SZT2: variants seen among roughly 807,000 people sequenced by gnomAD.
The protein encoded by SZT2 is SZT2 subunit of KICSTOR complex.
Under a neutral mutation model 404.2 loss-of-function variants are expected in SZT2, and 216 were observed. The ratio of observed to expected loss-of-function variants is 0.53; its 90% CI spans 0.48 to 0.60. The LOEUF is 0.60. SZT2 is among the 20% of genes least tolerant of loss of function. The pLI is 0.00. For missense variants in SZT2, 3,857 were observed against 4,459.2 expected (o/e 0.86, Z 3.85); for synonymous variants, 1,693 against 1,749.9 (o/e 0.97, Z 0.81).
Position 43,422,148 on chromosome 1 carries a change from A to G in SZT2, c.1692A>G (p.Pro564=), listed in dbSNP as rs750447243. ...SHAQFAAYWK[P]VLSMDANSWQ... is the part of the protein sequence containing the mutation. ...CCCAGTTTGCTGCCTACTGGAAGCC[A>G]GTGCTGTCCATGGATGCAAATTCCT... Residue 564 remains proline (P), a synonymous_variant, in exon 12 of 72, where the codon CCA becomes CCG. Transcript: ENST00000634258. The G allele has an allele frequency of 6.9e-6, 11 of 1,597,824 alleles. No individual in the cohort carries two copies. The South Asian group carries it at 1.1e-4, about 16-fold the overall frequency.
rs896326423 is a variant in SZT2 at position 43,451,245 on chromosome 1, C to A, written c.*765C>A. The A allele has an allele frequency of 6.2e-7, 1 of 1,613,968 alleles. No homozygotes were observed. The highest frequency in any genetic ancestry group is 1.1e-5 in the South Asian group (1 of 91,082). ...TGGGTGGTGTGCGGGCCCTCACTGGCCAGCCTCTGGGTGGCCCCGCCTATC... is the reference window on the plus strand; with the variant it reads ...TGGGTGGTGTGCGGGCCCTCACTGGACAGCCTCTGGGTGGCCCCGCCTATC... On this transcript the variant is annotated 3_prime_UTR_variant, in exon 72 of 72. Coordinates refer to ENST00000634258, the MANE Select transcript of SZT2 (RefSeq NM_001365999.1).
rs756625074 is a variant in SZT2, at chr1:43,446,358, TCAAA to T, written c.9017_9020del (p.Lys3006SerfsTer33). Reference sequence around the variant, plus strand: ...TCCCTCCAGGGCTGTTACTTCTGTGTCAAACAGTTTGCCCTGGAATGTTCCCGAA... The same window carrying T: ...TCCCTCCAGGGCTGTTACTTCTGTGTCAGTTTGCCCTGGAATGTTCCCGAA... On this transcript the variant is annotated frameshift_variant, in exon 65 of 72. Transcript: ENST00000634258. LOFTEE classifies it high-confidence loss of function. The T allele has an allele frequency of 1.9e-6, 3 of 1,614,250 alleles. No homozygotes were observed. Among genetic ancestry groups the T allele is most frequent in the Non-Finnish European group, 1.7e-6 (2 of 1,180,048 alleles).
In SZT2 at chr1:43,404,424, C is replaced by T; in HGVS notation, c.372C>T (p.Ala124=). 1 of 1,614,000 alleles carries T rather than the reference C, an allele frequency of 6.2e-7. No individual in the cohort carries two copies. The highest frequency in any genetic ancestry group is 8.5e-7 in the Non-Finnish European group (1 of 1,179,974). The part of the protein sequence containing the change: ...GEILFDEVFH[A]LSRCLGGLLR... ...TCTTGTTTGATGAAGTTTTCCATGCCCTGTCCCGCTGCTTAGGCGGGCTGC... is the reference window on the plus strand; with the variant it reads ...TCTTGTTTGATGAAGTTTTCCATGCTCTGTCCCGCTGCTTAGGCGGGCTGC... Residue 124 remains alanine (A), a synonymous_variant, in exon 4 of 72, where the codon GCC becomes GCT. Coordinates refer to ENST00000634258, the MANE Select transcript of SZT2 (RefSeq NM_001365999.1).
Position 43,437,711 on chromosome 1 carries a change from C to G in SZT2, c.6396+11C>G. 6.2e-7 allele frequency: 1 copy of G among 1,614,142 alleles called. No individual in the cohort carries two copies. The highest frequency in any genetic ancestry group is 8.5e-7 in the Non-Finnish European group (1 of 1,180,004). On this transcript the variant is annotated intron_variant, in intron 45 of 71. Coordinates refer to ENST00000634258, the MANE Select transcript of SZT2 (RefSeq NM_001365999.1). This position sits in a 1 kb window ranked among gnomAD's most constrained non-coding sequence, Gnocchi z 5.3. The stretch of plus-strand genomic sequence containing the variant: ...TCTGAGGAAGCCTCGGCATGTATCA[C>G]TCCCACTCTCTGATGCCCCTGTGTT...
intron 3 of SZT2, 119 bp downstream of exon 3, chr1:43,403,893 T>A: frequency 8.8e-7 from 1 of 1,132,486 alleles, no homozygotes; most frequent in Non-Finnish European, 1.3e-6. Context: ...AAGACAGGCT[T>A]ATAAAGGAAT....
chr1:43,454,014 A>AGGG lies in SZT2; in HGVS notation c.*3535_*3537dup. On this transcript the variant is annotated 3_prime_UTR_variant, in exon 72 of 72. Coordinates refer to ENST00000634258, the MANE Select transcript of SZT2 (RefSeq NM_001365999.1). ...CGGGGAGAGGCGAAGGGGCGGAGCGAGGGCGGCCGGAAAAGGAGCAGGACC... is the reference window on the plus strand; with the variant it reads ...CGGGGAGAGGCGAAGGGGCGGAGCGAGGGGGGCGGCCGGAAAAGGAGCAGGACC... 16 of 1,171,862 alleles carry AGGG rather than the reference A, an allele frequency of 1.4e-5. No individual in the cohort carries two copies. The highest frequency in any genetic ancestry group is 1.7e-5 in the Non-Finnish European group (16 of 950,170). The allele number at this position is 1,171,862 out of a possible 1,614,324, so 72.6% of individuals were successfully genotyped here. A position where few individuals can be genotyped will look rare whatever the true frequency, so the allele number is the denominator to read the frequency against.
chr1:43,394,999 A>G (rs1385659845), intron 1 of SZT2, among the ~76,000 whole-genome samples: 1 of 152,204 alleles, frequency 6.6e-6, no homozygotes, highest in Non-Finnish European at 1.5e-5. Context: ...GATTTCAGGA[A>G]GGTGGATTCT....
At position 43,452,872 on chromosome 1, in the gene SZT2, C is replaced by T. The variant is rs775096207; in HGVS notation, c.*2392C>T. 2.5e-6 allele frequency: 4 copies of T among 1,573,310 alleles called. No homozygotes were observed. Among genetic ancestry groups the T allele is most frequent in the Non-Finnish European group, 3.4e-6 (4 of 1,160,272 alleles). On this transcript the variant is annotated 3_prime_UTR_variant, in exon 72 of 72. Coordinates refer to ENST00000634258, the MANE Select transcript of SZT2 (RefSeq NM_001365999.1). ...CCACATCCAGCTCCAAGCAGACATTCCAGGCCTCCCCATCCCAACAGGCTA... is the reference window on the plus strand; with the variant it reads ...CCACATCCAGCTCCAAGCAGACATTTCAGGCCTCCCCATCCCAACAGGCTA...
At chr1:43,408,022 C>T (rs959998905) in intron 4 of SZT2, among the ~76,000 whole-genome samples, 8 of 151,818 alleles carry the variant, frequency 5.3e-5, no homozygotes, top group East Asian at 3.9e-4. Context: ...TTAGTAGAGA[C>T]GGGGTTTCAC....
rs769161151 is a variant in SZT2 at position 43,437,816 on chromosome 1, T to A, written c.6422T>A (p.Val2141Asp). Residue 2141 changes from valine (V) to aspartate (D), a missense_variant, in exon 46 of 72, where the codon GTC becomes GAC. By Grantham distance (152) the Val-to-Asp change is radical. This residue lies in a region of SZT2 where 261 missense variants were observed against 372.9 expected (regional missense o/e 0.70). Transcript: ENST00000634258. The surrounding 1 kb of genome is among the most constrained non-coding windows in gnomAD (Gnocchi z 5.3). ...GGTCCTCGTTCTCCCTTAGACATGG[T>A]CTCTAGCCGCAGTTCAGATGCTGCT... ...ASGPRSPLDM[V>D]SSRSSDAARP... The A allele has an allele frequency of 6.2e-7, 1 of 1,614,106 alleles. No individual in the cohort carries two copies. Among genetic ancestry groups the A allele is most frequent in the Non-Finnish European group, 8.5e-7 (1 of 1,180,026 alleles).
At position 43,441,322 on chromosome 1, in the gene SZT2, C is replaced by T. The variant is rs1034287121; in HGVS notation, c.7453C>T (p.Arg2485Trp). 11 of 1,614,058 alleles carry T rather than the reference C, an allele frequency of 6.8e-6. No individual in the cohort carries two copies. Among genetic ancestry groups the T allele is most frequent in the African/African-American group, 2.7e-5 (2 of 74,922 alleles). ...GAGGCGTCACAAAACCGAGAGTGTT[C>T]GGACTCCTGGTGGAGCTGAGCGGGC... Reference protein sequence around the residue: ...GRRRHKTESVRTPGGAERAPG... With the variant: ...GRRRHKTESVWTPGGAERAPG... The change falls in exon 53 of 72, where the codon CGG becomes TGG. Residue 2485 changes from arginine (R) to tryptophan (W), a missense_variant. By Grantham distance (101) the Arg-to-Trp change is moderately radical. Around this residue, in one of 7 missense-constraint regions of SZT2, gnomAD observed 573 missense variants for 592.4 expected, o/e 0.97. Coordinates refer to ENST00000634258, the MANE Select transcript of SZT2 (RefSeq NM_001365999.1). This position sits in a 1 kb window ranked among gnomAD's most constrained non-coding sequence, Gnocchi z 4.8.
In SZT2 at chr1:43,426,845, A is replaced by T. The variant is rs199517234; in HGVS notation, c.3309+36A>T. The T allele has an allele frequency of 3.1e-6, 5 of 1,601,628 alleles. No individual in the cohort carries two copies. In the East Asian group the frequency reaches 1.1e-4, roughly 36 times the overall value. ...ATTCTTCTCCCTGAGCCCTTGTCAC[A>T]CTGACCTCCTTCCAGCACCACATCT... On this transcript the variant is annotated intron_variant, in intron 23 of 71. Transcript: ENST00000634258. The surrounding 1 kb of genome is among the most constrained non-coding windows in gnomAD (Gnocchi z 4.9).
Position 43,433,075 on chromosome 1 carries a change from C to T in SZT2, c.5689C>T (p.Pro1897Ser). 2 of 1,614,162 alleles carry T rather than the reference C, an allele frequency of 1.2e-6. No individual in the cohort carries two copies. The highest frequency in any genetic ancestry group is 1.7e-6 in the Non-Finnish European group (2 of 1,180,030). ...GGCCCCCTTCACATTGCGGACTCCA[C>T]CTGGGCCAGCACCTCCACAGCCTTC... ...EKAPFTLRTP[P>S]GPAPPQPSLS... The change falls in exon 40 of 72, where the codon CCT becomes TCT. Residue 1897 changes from proline to serine, a missense_variant. By Grantham distance (74) the Pro-to-Ser change is moderately conservative (BLOSUM62 -1). This residue lies in a region of SZT2 where 1,725 missense variants were observed against 1,881.0 expected (regional missense o/e 0.92). Coordinates refer to ENST00000634258, the MANE Select transcript of SZT2 (RefSeq NM_001365999.1).
In SZT2 at chr1:43,446,434, G is replaced by A. The variant is rs199727347; in HGVS notation, c.9072+18G>A. The A allele has an allele frequency of 3.7e-5, 60 of 1,614,146 alleles. No individual in the cohort carries two copies. In the African/African-American group the frequency reaches 5.9e-4, roughly 16 times the overall value. ...ACTCACAGGTATGTGAATGAGCTGC[G>A]GGCACAGTCAGTGCACCCCAGTGTG... On this transcript the variant is annotated intron_variant, in intron 65 of 71. Transcript: ENST00000634258.
At position 43,415,984 on chromosome 1, in the gene SZT2, G is replaced by C; in HGVS notation, c.655G>C (p.Gly219Arg). The C allele has an allele frequency of 6.3e-7, 1 of 1,597,890 alleles. No homozygotes were observed. The highest frequency in any genetic ancestry group is 2.2e-5 in the East Asian group (1 of 44,860). Residue 219 changes from glycine to arginine, a missense_variant, in exon 6 of 72, where the codon GGG (glycine) becomes CGG (arginine). Transcript: ENST00000634258. Reference protein sequence around the residue: ...SQAEDQSPDSGDLLGRKVGVS... With the variant: ...SQAEDQSPDSRDLLGRKVGVS... ...GGCAGAAGACCAGTCCCCAGACTCA[G>C]GGGACCTACTGGGCCGGAAGGTAGG...
chr1:43,423,768 G>T (rs541205719), intron 15 of SZT2, among the ~76,000 whole-genome samples: 1 of 149,808 alleles, frequency 6.7e-6, no homozygotes, highest in Non-Finnish European at 1.5e-5. Context: ...GGAATGAGTA[G>T]GTCAGAGGTG....
At chr1:43,395,309 A>G (rs988321083) in intron 1 of SZT2, among the ~76,000 whole-genome samples, 2 of 152,074 alleles carry the variant, frequency 1.3e-5, no homozygotes, top group African/African-American at 2.4e-5. Context: ...GGGGGAGGTC[A>G]GGGAGTGGGG....
chr1:43,441,269 T>G lies in SZT2; in HGVS notation c.7400T>G (p.Leu2467Arg), dbSNP rs1266523763. 1 of 1,614,132 alleles carries G rather than the reference T, an allele frequency of 6.2e-7. No individual in the cohort carries two copies. Among genetic ancestry groups the G allele is most frequent in the Non-Finnish European group, 8.5e-7 (1 of 1,180,058 alleles). ...GSPKTTDDIV[L>R]DRPEDTRGRR... Reference sequence around the variant, plus strand: ...CCCAAAACAACTGATGACATTGTCCTGGATCGGCCAGAAGACACTCGGGGC... The same window carrying G: ...CCCAAAACAACTGATGACATTGTCCGGGATCGGCCAGAAGACACTCGGGGC... The change falls in exon 53 of 72, where the codon CTG becomes CGG. Residue 2467 changes from leucine (L) to arginine (R), a missense_variant. Around this residue, in one of 7 missense-constraint regions of SZT2, gnomAD observed 573 missense variants for 592.4 expected, o/e 0.97. Transcript: ENST00000634258. The surrounding 1 kb of genome is among the most constrained non-coding windows in gnomAD (Gnocchi z 4.8).
At position 43,447,130 on chromosome 1, in the gene SZT2, C is replaced by G. The variant is rs371606094; in HGVS notation, c.9248C>G (p.Pro3083Arg). 6 of 1,613,640 alleles carry G rather than the reference C, an allele frequency of 3.7e-6. No homozygotes were observed. The highest frequency in any genetic ancestry group is 5.1e-6 in the Non-Finnish European group (6 of 1,179,994). ...TFLRHFLAHHPDGPHFGRNHI... is the reference protein window; with the variant it reads ...TFLRHFLAHHRDGPHFGRNHI... ...CTGCGACACTTCCTGGCCCACCACC[C>G]TGACGGACCCCACTTTGGCCGCAAT... is the stretch of plus-strand genomic sequence containing the variant. The change falls in exon 66 of 72, where the codon CCT (proline) becomes CGT (arginine). Residue 3083 changes from proline (P) to arginine (R), a missense_variant. Transcript: ENST00000634258.
Sources: gnomAD v4.1 joint callset for allele counts (sites outside exome capture counted in the v4.1 genomes callset) on GRCh38, gnomAD v4.1.1 for gene constraint, gnomAD v4.1.1 regional missense constraint, Gnocchi (gnomAD v3.1) non-coding constraint, MANE v1.5 for transcripts, NCBI Gene and HGNC (gene_info 2026-07-23, HGNC 2026-07-21) for gene names.